Variants in PCDH17 observed in about 807,000 individuals in gnomAD.
The protein encoded by PCDH17 is protocadherin-17.
PCDH17 carries 21 observed loss-of-function variants against 67.7 expected under a neutral mutation model. The ratio of observed to expected loss-of-function variants is 0.31; its 90% CI spans 0.22 to 0.45. The LOEUF (loss-of-function observed/expected upper bound fraction) is 0.45, where lower values mean the gene tolerates loss of function less well. Ranked by LOEUF, PCDH17 falls within the 20% of genes least tolerant of loss-of-function variation. The pLI is 1.00. For missense variants in PCDH17, 1,471 were observed against 1,564.8 expected (o/e 0.94, Z 1.01); for synonymous variants, 701 against 656.7 (o/e 1.07, Z -1.03).
chr13:57,660,022 C>G (rs1955163429), intron 1 of PCDH17, among the ~76,000 whole-genome samples: 1 of 151,978 alleles, frequency 6.6e-6, no homozygotes, highest in South Asian at 2.1e-4. Flanking sequence ...CCTTTGAGCT[C>G]ATGAGTTCGA....
intron 1 of PCDH17, among the ~76,000 whole-genome samples, chr13:57,641,558 G>GAAAA (rs71209470): frequency 8.2e-5 from 2 of 24,516 alleles, no homozygotes; most frequent in African/African-American, 1.4e-4. Context: ...GTGTTTGAGA[G>GAAAA]AAAAAAAAAA....
chr13:57,651,004 T>A (rs1268329974), intron 1 of PCDH17, among the ~76,000 whole-genome samples: 2 of 152,176 alleles, frequency 1.3e-5, no homozygotes, highest in African/African-American at 2.4e-5. Context: ...CCCACTGGAA[T>A]GGACAATACA....
chr13:57,694,578 G>C (rs1204538263), intron 3 of PCDH17, among the ~76,000 whole-genome samples: 1 of 151,100 alleles, frequency 6.6e-6, no homozygotes. Flanking sequence ...TTCAATTATT[G>C]AATAAACACA....
intron 1 of PCDH17, among the ~76,000 whole-genome samples, chr13:57,650,156 TA>T (rs1231565709): frequency 2.6e-5 from 4 of 151,020 alleles, no homozygotes; most frequent in African/African-American, 4.9e-5. Flanking sequence ...AAGTAACTTG[TA>T]AAAAAAAGAG....
At chr13:57,717,076 A>G (rs564409459) in intron 3 of PCDH17, among the ~76,000 whole-genome samples, 1 of 152,052 alleles carries the variant, frequency 6.6e-6, no homozygotes, top group South Asian at 2.1e-4. Context: ...TTCTGGTGGT[A>G]TAATATTGAG....
At chr13:57,640,551 T>G (rs994328353) in intron 1 of PCDH17, among the ~76,000 whole-genome samples, 5 of 152,088 alleles carry the variant, frequency 3.3e-5, no homozygotes, top group African/African-American at 9.7e-5. Flanking sequence ...AGCTTTATTT[T>G]ACTGTTTTAA....
At chr13:57,701,423 C>A (rs1955661989) in intron 3 of PCDH17, among the ~76,000 whole-genome samples, 1 of 152,106 alleles carries the variant, frequency 6.6e-6, no homozygotes, top group Admixed American at 6.6e-5. Flanking sequence ...TTTGATATTT[C>A]TCAGAATTTT....
intron 3 of PCDH17, among the ~76,000 whole-genome samples, chr13:57,674,618 T>C (rs1955367141): frequency 6.6e-6 from 1 of 151,986 alleles, no homozygotes; most frequent in Non-Finnish European, 1.5e-5. Flanking sequence ...AGAGCCACTG[T>C]GCCCACCTTT....
intron 3 of PCDH17, among the ~76,000 whole-genome samples, chr13:57,717,239 C>T (rs1955825882): frequency 6.6e-6 from 1 of 151,928 alleles, no homozygotes; most frequent in Non-Finnish European, 1.5e-5. Flanking sequence ...CAGTGTTGAT[C>T]TCAGTGGCAT....
chr13:57,718,633 G>A (rs1390896218), intron 3 of PCDH17, among the ~76,000 whole-genome samples: 1 of 151,954 alleles, frequency 6.6e-6, no homozygotes, highest in African/African-American at 2.4e-5. Context: ...AGAAAGAACT[G>A]TGTATGTTAG....
rs149552520 is a variant in PCDH17, at chr13:57,670,332, C to T, written c.2797+3499C>T. 8.1e-3 allele frequency among the ~76,000 whole-genome samples: 1,220 copies of T among 151,540 alleles called. 20 individuals are homozygous for T. The highest frequency in any genetic ancestry group is 0.027 in the African/African-American group (1,131 of 41,410). ...AGATGAGAGATGATGACAGCCATAT[C>T]CAAATAATTATTTCATGTAGATTTC... On this transcript the variant is annotated intron_variant, in intron 3 of 3. Transcript: ENST00000377918.
intron 3 of PCDH17, among the ~76,000 whole-genome samples, chr13:57,723,016 T>A (rs868449078): frequency 5.9e-5 from 9 of 152,242 alleles, no homozygotes; most frequent in Non-Finnish European, 1.0e-4. Flanking sequence ...GTTCTTCATG[T>A]CTGTCTAACA....
At chr13:57,719,728 T>A (rs776501741) in intron 3 of PCDH17, among the ~76,000 whole-genome samples, 50 of 152,014 alleles carry the variant, frequency 3.3e-4, no homozygotes, top group Non-Finnish European at 6.6e-4. Context: ...AGGTAGATTC[T>A]CTCCAAAGTA....
At chr13:57,666,571 C>A in intron 2 of PCDH17, 45 bp downstream of exon 2, 3 of 1,605,778 alleles carry the variant, frequency 1.9e-6, no homozygotes, top group Non-Finnish European at 2.6e-6. Flanking sequence ...CATTTGCATT[C>A]GTGTCAAAAT....
At position 57,724,796 on chromosome 13, in the gene PCDH17, GAA is replaced by G. The variant is rs1282269232; in HGVS notation, c.2986_2987del (p.Lys996AspfsTer20). ...CTTACGAAACTGTGAATCCCACTGG[GAA>G]AAAGACTTTTTGTACATTTGGAAAA... ...ETYETVNPTG[K>X]KTFCTFGKDK... On this transcript the variant is annotated frameshift_variant, in exon 4 of 4. Transcript: ENST00000377918. LOFTEE classifies it high-confidence loss of function. The G allele has an allele frequency of 6.2e-7, 1 of 1,614,000 alleles. No individual in the cohort carries two copies. The highest frequency in any genetic ancestry group is 1.3e-5 in the African/African-American group (1 of 74,922).
intron 3 of PCDH17, among the ~76,000 whole-genome samples, chr13:57,696,896 C>T (rs578217927): frequency 1.3e-5 from 2 of 151,696 alleles, no homozygotes; most frequent in South Asian, 4.1e-4. Context: ...GTGCTTTCAT[C>T]TACTTAAATT....
In PCDH17 at chr13:57,632,645, G is replaced by C. The variant is rs778491801; in HGVS notation, c.99G>C (p.Thr33=). ...TGCCGGAGGAGCAAGGGGCCGGCAC[G>C]GTGATCGGGAACATCGGCAGGGATG... ...YSVPEEQGAG[T]VIGNIGRDAR... is the part of the protein sequence containing the mutation. Residue 33 remains threonine (T), a synonymous_variant, in exon 1 of 4, where the codon ACG becomes ACC. Transcript: ENST00000377918. The C allele has an allele frequency of 5.6e-6, 9 of 1,613,060 alleles. No homozygotes were observed. In the East Asian group the frequency reaches 1.8e-4, roughly 32 times the overall value.
chr13:57,724,449 G>A (rs1324097329), intron 3 of PCDH17, among the ~76,000 whole-genome samples, 163 bp from the exon 4 acceptor site: 1 of 152,098 alleles, frequency 6.6e-6, no homozygotes, highest in African/African-American at 2.4e-5. Flanking sequence ...TCAACCAGCA[G>A]GTTTATGCAA....
intron 1 of PCDH17, 62 bp downstream of exon 1, chr13:57,635,173 A>G (rs888960848): frequency 6.5e-7 from 1 of 1,539,442 alleles, no homozygotes; most frequent in African/African-American, 1.4e-5. Flanking sequence ...CTGTCCTGAA[A>G]CCTTTGGAAC....
Sources: gnomAD v4.1 joint callset for allele counts (sites outside exome capture counted in the v4.1 genomes callset) on GRCh38, gnomAD v4.1.1 for gene constraint, MANE v1.5 for transcripts, NCBI Gene and HGNC (gene_info 2026-07-23, HGNC 2026-07-21) for gene names.